KATNAL2: variants seen among roughly 807,000 people sequenced by gnomAD.
KATNAL2 encodes katanin catalytic subunit A1 like 2.
KATNAL2 carries 52 observed loss-of-function variants against 76.3 expected under a neutral mutation model. The observed-to-expected ratio is 0.68, with a 90% CI of 0.55 to 0.86. The LOEUF is 0.86. Among genes scored for constraint, KATNAL2 ranks in the 40% least tolerant of loss-of-function variants. The probability of loss-of-function intolerance (pLI) is 0.00; values close to 1 mark genes in which losing one functional copy is unlikely to be tolerated. For synonymous variants in KATNAL2, 243 were observed against 244.2 expected (o/e 1.00, Z 0.05); for missense variants, 660 against 668.9 (o/e 0.99, Z 0.15).
intron 3 of KATNAL2, among the ~76,000 whole-genome samples, chr18:47,031,306 T>A (rs1271712572): frequency 6.6e-6 from 1 of 152,094 alleles, no homozygotes; most frequent in Non-Finnish European, 1.5e-5. Context: ...TCAGTCCGAA[T>A]GAGGAAAACA....
chr18:47,064,343 C>T (rs538880461), intron 10 of KATNAL2, among the ~76,000 whole-genome samples: 1 of 152,226 alleles, frequency 6.6e-6, no homozygotes, highest in South Asian at 2.1e-4. Flanking sequence ...TAGGCACTTC[C>T]ATGAGAAATT....
At chr18:46,957,153 G>A (rs2059775989) in intron 3 of KATNAL2, among the ~76,000 whole-genome samples, 1 of 151,810 alleles carries the variant, frequency 6.6e-6, no homozygotes, top group African/African-American at 2.4e-5. Flanking sequence ...GGGTGCCCAG[G>A]CATTTGGTCA....
chr18:47,057,003 A>G (rs75418045), intron 6 of KATNAL2, among the ~76,000 whole-genome samples: 2 of 151,794 alleles, frequency 1.3e-5, no homozygotes, highest in East Asian at 3.9e-4. Context: ...GAAAAAAAAA[A>G]CCCCAAGAAC....
chr18:47,043,245 A>AAAAAAAAAAAAAAAAAAAAAAGAAAAAAT (rs376877321), intron 3 of KATNAL2, among the ~76,000 whole-genome samples: 1 of 93,176 alleles, frequency 1.1e-5, no homozygotes, highest in East Asian at 3.8e-4. Flanking sequence ...AAAAAAAAAA[A>AAAAAAAAAAAAAAAAAAAAAAGAAAAAAT]GAGATCCTAA....
chr18:47,098,733 T>C (rs973103064), intron 15 of KATNAL2: 1 of 156,022 alleles, frequency 6.4e-6, no homozygotes, highest in Non-Finnish European at 1.4e-5. Flanking sequence ...AGTTCACCAA[T>C]GTAATGAAGT....
Position 46,946,901 on chromosome 18 carries a change from T to A in KATNAL2, c.29T>A (p.Phe10Tyr), listed in dbSNP as rs1361594290. The A allele has an allele frequency of 1.7e-5, 26 of 1,535,104 alleles. No homozygotes were observed. The highest frequency in any genetic ancestry group is 2.2e-5 in the Non-Finnish European group (25 of 1,146,098). The change falls in exon 3 of 18, where the codon TTC becomes TAC. Residue 10 changes from phenylalanine to tyrosine, a missense_variant. Phe to Tyr is a conservative substitution (Grantham distance 22). Transcript: ENST00000683218. MELSYQTLKFTHQAREACEM... is the reference protein window; with the variant it reads MELSYQTLKYTHQAREACEM... ...GAGCTTTCCTACCAGACCCTGAAAT[T>A]CACGCATCAGGCGCGGGAAGCGGTA...
chr18:47,037,218 C>T (rs552522143), intron 3 of KATNAL2, among the ~76,000 whole-genome samples: 124 of 152,294 alleles, frequency 8.1e-4, no homozygotes, highest in Admixed American at 2.5e-3. Context: ...AGTAACATTT[C>T]CTAAATATCT....
chr18:46,940,686 G>A (rs2059222018), intron 1 of KATNAL2, among the ~76,000 whole-genome samples: 2 of 152,108 alleles, frequency 1.3e-5, no homozygotes. Flanking sequence ...AAGGTAGGGA[G>A]GGGACAAGGA....
chr18:47,071,096 G>A (rs868868473), intron 13 of KATNAL2, among the ~76,000 whole-genome samples: 1 of 152,060 alleles, frequency 6.6e-6, no homozygotes, highest in African/African-American at 2.4e-5. Flanking sequence ...AGTATATGTG[G>A]GTTTCCCAGG....
chr18:47,070,065 T>C (rs1007816940), intron 13 of KATNAL2, among the ~76,000 whole-genome samples: 3 of 151,764 alleles, frequency 2.0e-5, no homozygotes, highest in East Asian at 1.9e-4. Context: ...TTTGCTTCCA[T>C]AGTGCCCATA....
chr18:46,917,615 ACAGCGCCCGCCCGCGCCTGC>A lies in KATNAL2; in HGVS notation c.-819_-800del. 1.0e-6 allele frequency: 1 copy of A among 963,072 alleles called. No homozygotes were observed. Among genetic ancestry groups the A allele is most frequent in the Non-Finnish European group, 1.2e-6 (1 of 802,648 alleles). The allele number at this position is 963,072 out of a possible 1,614,324, so 59.7% of individuals were successfully genotyped here. A position where few individuals can be genotyped will look rare whatever the true frequency, so the allele number is the denominator to read the frequency against. ...GCCCGCGCCTTCAGTCCGCGCGGCG[ACAGCGCCCGCCCGCGCCTGC>A]CCCGGCGTGCTGCCCCGCGGCTTGG... is the stretch of plus-strand genomic sequence containing the variant. On this transcript the variant is annotated 5_prime_UTR_variant, in exon 1 of 18. Transcript: ENST00000683218.
intron 1 of KATNAL2, among the ~76,000 whole-genome samples, chr18:46,939,591 A>G (rs1241124189): frequency 6.6e-6 from 1 of 152,118 alleles, no homozygotes; most frequent in Non-Finnish European, 1.5e-5. Context: ...GGCCCTGCAG[A>G]CCTATTCATA....
intron 3 of KATNAL2, among the ~76,000 whole-genome samples, chr18:46,953,314 A>T (rs558406989): frequency 2.0e-5 from 3 of 152,270 alleles, no homozygotes; most frequent in African/African-American, 7.2e-5. Flanking sequence ...CTCAAAAGTC[A>T]GTGATACAGG....
intron 15 of KATNAL2, among the ~76,000 whole-genome samples, chr18:47,080,843 G>A (rs1211020387): frequency 6.6e-6 from 1 of 152,108 alleles, no homozygotes; most frequent in Admixed American, 6.5e-5. Context: ...TGGGAGAAAT[G>A]TCTTTTCAAA....
intron 1 of KATNAL2, among the ~76,000 whole-genome samples, chr18:46,945,294 C>T (rs2059355347): frequency 6.6e-6 from 1 of 152,200 alleles, no homozygotes; most frequent in African/African-American, 2.4e-5. Context: ...GAATCAGGAA[C>T]TAATTTGTTC....
At position 47,075,374 on chromosome 18, in the gene KATNAL2, A is replaced by C; in HGVS notation, c.1100+6A>C. 1 of 1,515,846 alleles carries C rather than the reference A, an allele frequency of 6.6e-7. No individual in the cohort carries two copies. The highest frequency in any genetic ancestry group is 2.6e-5 in the East Asian group (1 of 38,574). The allele number at this position is 1,515,846 out of a possible 1,614,324, so 93.9% of individuals were successfully genotyped here. On this transcript the variant is annotated splice_donor_region_variant and intron_variant, in intron 14 of 17. Coordinates refer to ENST00000683218, the MANE Select transcript of KATNAL2 (RefSeq NM_001387690.1). ...CAGAGAGGCACAGCTTCTGGGTAACAGACAGGGTTGGGGTTTTTGTTGTTG... is the reference window on the plus strand; with the variant it reads ...CAGAGAGGCACAGCTTCTGGGTAACCGACAGGGTTGGGGTTTTTGTTGTTG...
chr18:47,084,343 AT>A (rs1031093162), intron 15 of KATNAL2: 1 of 702,898 alleles, frequency 1.4e-6, no homozygotes, highest in Non-Finnish European at 2.6e-6. Context: ...AACCACATGC[AT>A]TTTTGGGCTC....
chr18:47,031,270 G>C (rs1270798356), intron 3 of KATNAL2, among the ~76,000 whole-genome samples: 2 of 151,886 alleles, frequency 1.3e-5, no homozygotes, highest in African/African-American at 4.8e-5. Flanking sequence ...GCCACGGTTT[G>C]GGCAGCGGAG....
At chr18:47,078,572 G>C (rs2062353823) in intron 15 of KATNAL2, among the ~76,000 whole-genome samples, 1 of 152,114 alleles carries the variant, frequency 6.6e-6, no homozygotes, top group Non-Finnish European at 1.5e-5. Flanking sequence ...TCCTTCAAAG[G>C]TTTAAAACAA....
Sources: allele counts gnomAD v4.1 joint callset (sites outside exome capture counted in the v4.1 genomes callset), GRCh38; gene constraint gnomAD v4.1.1; transcripts MANE v1.5; gene names NCBI Gene and HGNC (gene_info 2026-07-23, HGNC 2026-07-21).